Variants in GBF1 observed in about 807,000 individuals in gnomAD.
The protein encoded by GBF1 is golgi brefeldin A resistant guanine nucleotide exchange factor 1.
In GBF1, 114 loss-of-function variants were observed where a neutral mutation model predicts 210.5. That is an observed-to-expected ratio of 0.54 (90% CI 0.47 to 0.63). The LOEUF (loss-of-function observed/expected upper bound fraction) is 0.63. Among genes scored for constraint, GBF1 ranks in the 30% least tolerant of loss-of-function variants. The probability of loss-of-function intolerance (pLI) is 0.00; values close to 1 mark genes in which losing one functional copy is unlikely to be tolerated. For missense variants in GBF1, 1,851 were observed against 2,357.7 expected (o/e 0.79, Z 4.45); for synonymous variants, 850 against 889.2 (o/e 0.96, Z 0.78).
intron 3 of GBF1, among the ~76,000 whole-genome samples, chr10:102,307,865 A>G (rs571560811): frequency 2.8e-4 from 43 of 152,296 alleles, no homozygotes; most frequent in African/African-American, 9.9e-4. Flanking sequence ...ACAGACATTC[A>G]CAATAGAGGA....
intron 3 of GBF1, among the ~76,000 whole-genome samples, chr10:102,288,583 C>T (rs922487685): frequency 1.3e-5 from 2 of 151,720 alleles, no homozygotes; most frequent in African/African-American, 4.8e-5. Context: ...CGGTGGCGGG[C>T]GCCTGTAGTC....
At chr10:102,279,848 T>G (rs2133430433) in intron 3 of GBF1, among the ~76,000 whole-genome samples, 1 of 152,326 alleles carries the variant, frequency 6.6e-6, no homozygotes, top group South Asian at 2.1e-4. Flanking sequence ...TCAAAAAAAG[T>G]GGCTTACGCC....
At chr10:102,319,552 C>T (rs2056188405) in intron 3 of GBF1, among the ~76,000 whole-genome samples, 1 of 152,040 alleles carries the variant, frequency 6.6e-6, no homozygotes, top group African/African-American at 2.4e-5. Flanking sequence ...CCATTTTTAT[C>T]TCTTCCTAGA....
rs1345202139 is a variant in GBF1 at position 102,352,478 on chromosome 10, G to T, written c.544G>T (p.Glu182Ter). The T allele has an allele frequency of 1.9e-6, 3 of 1,611,764 alleles. No homozygotes were observed. Among genetic ancestry groups the T allele is most frequent in the Non-Finnish European group, 2.5e-6 (3 of 1,177,904 alleles). The change falls in exon 7 of 40, where the codon GAG (glutamate) becomes TAG (stop). Residue 182 changes from glutamate to a stop codon, truncating the protein, a stop_gained. Transcript: ENST00000369983. LOFTEE classifies it high-confidence loss of function. ...TGCAGAGTTATTGAGAAAATCCGCA[G>T]AGCACACTCTCGTAGACATGGTGCA... ...RLSELLRKSA[E>*]HTLVDMVQLL...
chr10:102,351,153 G>A (rs2058946738), intron 4 of GBF1, 103 bp from the exon 5 acceptor site: 2 of 678,916 alleles, frequency 2.9e-6, no homozygotes, highest in Admixed American at 5.0e-5. Context: ...CACGGGTTAG[G>A]GAACTGAAGA....
chr10:102,279,705 G>T (rs2075308184), intron 3 of GBF1, among the ~76,000 whole-genome samples: 3 of 152,166 alleles, frequency 2.0e-5, no homozygotes, highest in Admixed American at 1.3e-4. Flanking sequence ...GAGAGAAAAA[G>T]AAGTATTGCT....
chr10:102,287,354 T>A (rs1430671639), intron 3 of GBF1, among the ~76,000 whole-genome samples: 13 of 132,550 alleles, frequency 9.8e-5, no homozygotes, highest in Admixed American at 2.2e-4. Flanking sequence ...CTTTTTTTTT[T>A]TTTTTTTTTT....
intron 24 of GBF1, 33 bp from the exon 25 acceptor site, chr10:102,369,678 A>G (rs1479617833): frequency 6.2e-7 from 1 of 1,600,412 alleles, no homozygotes; most frequent in Non-Finnish European, 8.6e-7. Flanking sequence ...CAAAGGACAC[A>G]TGGAAAGAAA....
the GBF1 span, chr10:102,230,760 G>C: frequency 6.0e-6 from 9 of 1,492,938 alleles, no homozygotes; most frequent in South Asian, 2.7e-5. Flanking sequence ...GCCCGGGGGG[G>C]CCCCCGCCCA....
At chr10:102,272,893 T>C (rs955547160) in intron 3 of GBF1, among the ~76,000 whole-genome samples, 2 of 152,232 alleles carry the variant, frequency 1.3e-5, no homozygotes, top group South Asian at 4.1e-4. Context: ...TTTTTTTCCA[T>C]TGTTATTTTT....
intron 3 of GBF1, among the ~76,000 whole-genome samples, chr10:102,293,275 A>G (rs1400851734): frequency 6.6e-6 from 1 of 152,204 alleles, no homozygotes; most frequent in Non-Finnish European, 1.5e-5. Flanking sequence ...ATGTCATAGT[A>G]TAACGTATCA....
At chr10:102,295,271 A>G (rs1311350597) in intron 3 of GBF1, among the ~76,000 whole-genome samples, 1 of 152,244 alleles carries the variant, frequency 6.6e-6, no homozygotes, top group African/African-American at 2.4e-5. Context: ...CTTAAATGAA[A>G]AGAATAGGGA....
At chr10:102,257,147 T>A (rs1406882437) in intron 1 of GBF1, among the ~76,000 whole-genome samples, 1 of 152,244 alleles carries the variant, frequency 6.6e-6, no homozygotes, top group Non-Finnish European at 1.5e-5. Flanking sequence ...TAAGTTTGGG[T>A]ATATTAGCAC....
At chr10:102,362,447 A>G in intron 14 of GBF1, 28 bp from the exon 15 acceptor site, 1 of 1,493,626 alleles carries the variant, frequency 6.7e-7, no homozygotes, top group Non-Finnish European at 9.3e-7. Context: ...TCCTAACTAC[A>G]AGTCCAATTG....
At chr10:102,290,431 C>T (rs995218889) in intron 3 of GBF1, among the ~76,000 whole-genome samples, 1 of 151,984 alleles carries the variant, frequency 6.6e-6, no homozygotes. Flanking sequence ...AATTTTGATT[C>T]ATTATATGTA....
At position 102,382,124 on chromosome 10, in the gene GBF1, C is replaced by T. The variant is rs770151533; in HGVS notation, c.5371C>T (p.Pro1791Ser). 15 of 1,607,556 alleles carry T rather than the reference C, an allele frequency of 9.3e-6. No homozygotes were observed. The highest frequency in any genetic ancestry group is 2.2e-5 in the South Asian group (2 of 90,348). The change falls in exon 40 of 40, where the codon CCC becomes TCC. Residue 1791 changes from proline to serine, a missense_variant. Pro to Ser is a moderately conservative substitution (Grantham distance 74). Around this residue, in one of 3 missense-constraint regions of GBF1, gnomAD observed 967 missense variants for 1,247.7 expected, o/e 0.78. Transcript: ENST00000369983. Reference sequence around the variant, plus strand: ...CCCAGGATCACCAGTGGCCTCAAGCCCCAGCAGGCTGAGCCCCACCCCCGA... The same window carrying T: ...CCCAGGATCACCAGTGGCCTCAAGCTCCAGCAGGCTGAGCCCCACCCCCGA... ...SSPGSPVASS[P>S]SRLSPTPDGP...
rs571361330 is a variant in GBF1, at chr10:102,260,871, T to G, written c.163+755T>G. Among the ~76,000 whole-genome samples, 4 of 152,314 alleles carry G rather than the reference T, an allele frequency of 2.6e-5. No individual in the cohort carries two copies. In the South Asian group the frequency reaches 8.3e-4, roughly 32 times the overall value. On this transcript the variant is annotated intron_variant, in intron 3 of 39. Coordinates refer to ENST00000369983, the MANE Select transcript of GBF1 (RefSeq NM_001377137.1). The stretch of plus-strand genomic sequence containing the variant: ...TTTATTGCATTGGTTTCAGTCTTCA[T>G]GATCTTTCAGTCTTCATGTGTTCTA...
intron 3 of GBF1, among the ~76,000 whole-genome samples, chr10:102,288,003 C>G (rs1364407715): frequency 6.6e-6 from 1 of 152,142 alleles, no homozygotes; most frequent in African/African-American, 2.4e-5. Context: ...TCTCCCAAAC[C>G]TTTATGTCTC....
At chr10:102,324,142 A>ATG (rs1364367223) in intron 3 of GBF1, among the ~76,000 whole-genome samples, 1 of 152,134 alleles carries the variant, frequency 6.6e-6, no homozygotes, top group Non-Finnish European at 1.5e-5. Context: ...CCAAGCAAAG[A>ATG]TGTATATATA....
Sources: allele counts gnomAD v4.1 joint callset (sites outside exome capture counted in the v4.1 genomes callset), GRCh38; gene constraint gnomAD v4.1.1; regional missense constraint gnomAD v4.1.1; transcripts MANE v1.5; gene names NCBI Gene and HGNC (gene_info 2026-07-23, HGNC 2026-07-21).